OXR1: variants seen among roughly 807,000 people sequenced by gnomAD.
OXR1 encodes oxidation resistance 1, also known as oxidation resistance protein 1.
Under a neutral mutation model 104.6 loss-of-function variants are expected in OXR1, and 41 were observed. The ratio of observed to expected loss-of-function variants is 0.39; its 90% CI spans 0.31 to 0.51. The LOEUF (loss-of-function observed/expected upper bound fraction) is 0.51, where lower values mean the gene tolerates loss of function less well. OXR1 is among the 20% of genes least tolerant of loss of function. The pLI is 0.77. For synonymous variants in OXR1, 348 were observed against 348.4 expected (o/e 1.00, Z 0.01); for missense variants, 955 against 1,031.9 (o/e 0.93, Z 1.02).
chr8:106,443,124 T>C (rs893184830), intron 2 of OXR1, among the ~76,000 whole-genome samples: 1 of 152,164 alleles, frequency 6.6e-6, no homozygotes, highest in Admixed American at 6.6e-5. Context: ...CTCATTGGTT[T>C]CAAAGAACTT....
intron 1 of OXR1, among the ~76,000 whole-genome samples, chr8:106,286,291 C>A: frequency 6.6e-6 from 1 of 151,508 alleles, no homozygotes; most frequent in East Asian, 1.9e-4. Flanking sequence ...TCCCACCACA[C>A]CTGCAGCCAG....
intron 3 of OXR1, among the ~76,000 whole-genome samples, chr8:106,672,504 G>GAGAA (rs991662742): frequency 2.0e-5 from 2 of 99,964 alleles, no homozygotes; most frequent in East Asian, 2.6e-4. Flanking sequence ...AAGAAAGAGA[G>GAGAA]AGAAAGAAAG....
chr8:106,319,866 CA>C (rs1484687650), intron 1 of OXR1, among the ~76,000 whole-genome samples: 2 of 152,200 alleles, frequency 1.3e-5, no homozygotes, highest in Non-Finnish European at 2.9e-5. Context: ...AGTTGCAGGT[CA>C]GCAGTACTTT....
intron 3 of OXR1, among the ~76,000 whole-genome samples, chr8:106,652,491 T>C (rs1172241702): frequency 6.6e-6 from 1 of 151,108 alleles, no homozygotes; most frequent in Non-Finnish European, 1.5e-5. Flanking sequence ...TTCACAAACA[T>C]GTGGAAATTA....
At chr8:106,733,015 G>C (rs942106581) in intron 11 of OXR1, among the ~76,000 whole-genome samples, 2 of 152,042 alleles carry the variant, frequency 1.3e-5, no homozygotes, top group Non-Finnish European at 2.9e-5. Flanking sequence ...TGTGCTTTCT[G>C]TTTTAGGAGG....
At chr8:106,285,077 C>T (rs1448310220) in intron 1 of OXR1, among the ~76,000 whole-genome samples, 1 of 152,102 alleles carries the variant, frequency 6.6e-6, no homozygotes, top group Non-Finnish European at 1.5e-5. Context: ...ATTAACTCGT[C>T]ATTTACATTA....
chr8:106,661,018 A>G (rs1825711485), intron 3 of OXR1, among the ~76,000 whole-genome samples: 1 of 151,732 alleles, frequency 6.6e-6, no homozygotes, highest in Non-Finnish European at 1.5e-5. Context: ...AAAATAAAAC[A>G]AAAACAAAAA....
intron 2 of OXR1, among the ~76,000 whole-genome samples, chr8:106,433,206 A>T (rs1819433046): frequency 6.6e-6 from 1 of 152,096 alleles, no homozygotes; most frequent in African/African-American, 2.4e-5. Context: ...TTGGAGATTG[A>T]ATCATAGGGG....
At chr8:106,532,412 CACTT>C (rs1264850282) in intron 3 of OXR1, among the ~76,000 whole-genome samples, 50 of 152,296 alleles carry the variant, frequency 3.3e-4, no homozygotes, top group African/African-American at 1.2e-3. Context: ...TTGGACAAGT[CACTT>C]AATCTCTCTG....
At chr8:106,665,008 C>CTAAAA (rs1442489002) in intron 3 of OXR1, among the ~76,000 whole-genome samples, 1 of 152,076 alleles carries the variant, frequency 6.6e-6, no homozygotes, top group Non-Finnish European at 1.5e-5. Context: ...AAGTAAAGAC[C>CTAAAA]TAAAATACTT....
intron 2 of OXR1, among the ~76,000 whole-genome samples, chr8:106,395,989 A>G (rs1817762871): frequency 6.6e-6 from 1 of 152,094 alleles, no homozygotes; most frequent in Non-Finnish European, 1.5e-5. Context: ...CAAGACTGGA[A>G]CCATTAAAGC....
chr8:106,691,675 A>T (rs776066629), intron 6 of OXR1, among the ~76,000 whole-genome samples: 4 of 149,322 alleles, frequency 2.7e-5, no homozygotes, highest in Non-Finnish European at 4.5e-5. Context: ...TGTGTGACTA[A>T]TGCGGTTAAC....
In OXR1 at chr8:106,506,538, A is replaced by G. The variant is rs183940123; in HGVS notation, c.24-12405A>G. ...TGAGGCAGGAGAATGTTGTGAACCCAGGAGGCGGAGCTTGCAGTGAGCCTA... is the reference window on the plus strand; with the variant it reads ...TGAGGCAGGAGAATGTTGTGAACCCGGGAGGCGGAGCTTGCAGTGAGCCTA... On this transcript the variant is annotated intron_variant, in intron 2 of 16. Coordinates refer to ENST00000517566, the MANE Select transcript of OXR1 (RefSeq NM_001198533.2). Among the ~76,000 whole-genome samples the G allele has an allele frequency of 5.1e-3, 776 of 152,234 alleles. 6 individuals are homozygous for G. The highest frequency in any genetic ancestry group is 0.017 in the African/African-American group (724 of 41,526).
intron 1 of OXR1, among the ~76,000 whole-genome samples, chr8:106,309,637 T>A (rs1309210043): frequency 6.6e-6 from 1 of 151,822 alleles, no homozygotes; most frequent in Non-Finnish European, 1.5e-5. Flanking sequence ...AGTAAATTAT[T>A]TTTTCCTTTG....
chr8:106,353,951 C>T (rs563398777), intron 1 of OXR1, among the ~76,000 whole-genome samples: 2 of 152,264 alleles, frequency 1.3e-5, no homozygotes, highest in African/African-American at 4.8e-5. Context: ...TCTATGAGTT[C>T]TGCTTTTGTA....
intron 2 of OXR1, among the ~76,000 whole-genome samples, chr8:106,469,608 G>A (rs1055149685): frequency 6.6e-6 from 1 of 151,820 alleles, no homozygotes; most frequent in Non-Finnish European, 1.5e-5. Context: ...CAGGTTTTGA[G>A]TAAGCAGCAC....
intron 2 of OXR1, among the ~76,000 whole-genome samples, chr8:106,437,351 C>T (rs1563522810): frequency 6.6e-6 from 1 of 152,006 alleles, no homozygotes; most frequent in East Asian, 1.9e-4. Context: ...GATATCTTTG[C>T]GTTAAGTAAA....
chr8:106,516,044 G>A (rs1812835942), intron 2 of OXR1, among the ~76,000 whole-genome samples: 1 of 152,002 alleles, frequency 6.6e-6, no homozygotes, highest in Admixed American at 6.6e-5. Flanking sequence ...CCTGCCCTCA[G>A]GACCATCTTG....
chr8:106,713,307 C>T (rs1005890410), intron 10 of OXR1, among the ~76,000 whole-genome samples: 2 of 151,838 alleles, frequency 1.3e-5, no homozygotes, highest in African/African-American at 4.8e-5. Context: ...GTAAACAAAA[C>T]ATTGAAAAGG....
Sources: allele counts gnomAD v4.1 joint callset (sites outside exome capture counted in the v4.1 genomes callset), GRCh38; gene constraint gnomAD v4.1.1; transcripts MANE v1.5; gene names NCBI Gene and HGNC (gene_info 2026-07-23, HGNC 2026-07-21).